GALNT17: variants seen among roughly 807,000 people sequenced by gnomAD.
The protein encoded by GALNT17 is polypeptide N-acetylgalactosaminyltransferase 17.
A neutral mutation model predicts 63.7 loss-of-function variants in GALNT17; 29 were observed. The observed-to-expected ratio is 0.46, with a 90% CI of 0.34 to 0.62. The LOEUF (loss-of-function observed/expected upper bound fraction) is 0.62, where lower values mean the gene tolerates loss of function less well. Ranked by LOEUF, GALNT17 falls within the 20% of genes least tolerant of loss-of-function variation. The pLI is 0.01. For missense variants in GALNT17, 603 were observed against 799.6 expected, an observed-to-expected ratio of 0.75 and a Z score of 2.97; for synonymous variants, 305 against 318.3, an observed-to-expected ratio of 0.96 and a Z score of 0.45.
intron 5 of GALNT17, among the ~76,000 whole-genome samples, chr7:71,432,484 C>T (rs1786885634): frequency 6.6e-6 from 1 of 152,194 alleles, no homozygotes; most frequent in Admixed American, 6.5e-5. Flanking sequence ...TGCAAAGACA[C>T]TCTTATCAGG....
chr7:71,278,721 T>G (rs904318835), intron 1 of GALNT17, among the ~76,000 whole-genome samples: 87 of 152,162 alleles, frequency 5.7e-4, no homozygotes, highest in African/African-American at 1.8e-3. Context: ...AAGCCCCTTA[T>G]AAAACCATAG....
chr7:71,466,692 GTCCTCATCTTGACTCAAGCATT>G (rs1319888951), intron 5 of GALNT17, among the ~76,000 whole-genome samples: 1 of 152,118 alleles, frequency 6.6e-6, no homozygotes, highest in Non-Finnish European at 1.5e-5. Context: ...GGCTTCCACA[GTCCTCATCTTGACTCAAGCATT>G]TCTTTATGCT....
chr7:71,312,400 A>G (rs1170660482), intron 1 of GALNT17, among the ~76,000 whole-genome samples: 2 of 152,172 alleles, frequency 1.3e-5, no homozygotes, highest in African/African-American at 2.4e-5. Context: ...CAAAACCTTA[A>G]TGTTAACTCC....
chr7:71,692,173 C>T (rs1467815166), intron 9 of GALNT17, among the ~76,000 whole-genome samples: 4 of 152,174 alleles, frequency 2.6e-5, no homozygotes, highest in Non-Finnish European at 2.9e-5. Context: ...ATCTTCCTGC[C>T]TCAGCTTCCC....
intron 3 of GALNT17, among the ~76,000 whole-genome samples, chr7:71,398,979 T>A (rs1162198603): frequency 6.6e-6 from 1 of 152,156 alleles, no homozygotes; most frequent in African/African-American, 2.4e-5. Flanking sequence ...ACGCCTGTAA[T>A]CCCAGCACTT....
rs1434920340 is a variant in GALNT17, at chr7:71,201,215, TTGTA to T, written c.238+68178_238+68181del. On this transcript the variant is annotated intron_variant, in intron 1 of 10. Coordinates refer to ENST00000333538, the MANE Select transcript of GALNT17 (RefSeq NM_022479.3). The stretch of plus-strand genomic sequence containing the variant: ...AGGAAACTGGTACCATATTTTTTCT[TTGTA>T]TGGGGGTGTGTGTGTTTATTTTTAT... Among the ~76,000 whole-genome samples the T allele has an allele frequency of 3.4e-4, 43 of 126,114 alleles. 1 individual carries two copies. The East Asian group carries it at 0.01, about 30-fold the overall frequency. 82.7% of individuals were successfully genotyped at this position (126,114 alleles called of 152,430 possible). A position where few individuals can be genotyped will look rare whatever the true frequency, so the allele number is the denominator to read the frequency against.
rs1164312541 is a variant in GALNT17, at chr7:71,184,939, ACTTCCTTCCTTCCTTCCTTCCTTC to A, written c.238+51936_238+51959del. Among the ~76,000 whole-genome samples, 449 of 64,176 alleles carry A rather than the reference ACTTCCTTCCTTCCTTCCTTCCTTC, an allele frequency of 7.0e-3. 8 individuals are homozygous for A. Among genetic ancestry groups the A allele is most frequent in the African/African-American group, 0.025 (392 of 15,426 alleles). The allele number at this position is 64,176 out of a possible 152,430, so 42.1% of individuals were successfully genotyped here. On this transcript the variant is annotated intron_variant, in intron 1 of 10. Coordinates refer to ENST00000333538, the MANE Select transcript of GALNT17 (RefSeq NM_022479.3). ...CCCACCCTCCCTCCCTCCCTTCCTC[ACTTCCTTCCTTCCTTCCTTCCTTC>A]CTTCCTTCCTTCCTTCCTTCCTTCC...
At chr7:71,506,765 A>G (rs181899421) in intron 5 of GALNT17, among the ~76,000 whole-genome samples, 114 of 152,250 alleles carry the variant, frequency 7.5e-4, no homozygotes, top group African/African-American at 2.5e-3. Flanking sequence ...CCTTCCAGCT[A>G]TTTGAGACTA....
chr7:71,412,152 G>A (rs949289427), intron 3 of GALNT17, among the ~76,000 whole-genome samples: 14 of 152,196 alleles, frequency 9.2e-5, no homozygotes, highest in Middle Eastern at 3.4e-3. Flanking sequence ...CAAAATAAAA[G>A]ACATTAGCTG....
chr7:71,459,278 TGACA>T (rs1424188323), intron 5 of GALNT17, among the ~76,000 whole-genome samples: 10 of 152,022 alleles, frequency 6.6e-5, no homozygotes, highest in South Asian at 2.1e-4. Context: ...AAAAAAAAAG[TGACA>T]GACAGAAACA....
At chr7:71,549,834 A>T (rs1448177853) in intron 5 of GALNT17, among the ~76,000 whole-genome samples, 1 of 151,898 alleles carries the variant, frequency 6.6e-6, no homozygotes, top group Non-Finnish European at 1.5e-5. Context: ...GGAGGATCCG[A>T]GGGAAAGGAG....
intron 6 of GALNT17, among the ~76,000 whole-genome samples, chr7:71,659,444 T>G (rs1391060329): frequency 6.6e-6 from 1 of 152,204 alleles, no homozygotes; most frequent in African/African-American, 2.4e-5. Flanking sequence ...GTGTACAGTC[T>G]CACATGGCCT....
At chr7:71,252,603 C>T (rs952523658) in intron 1 of GALNT17, among the ~76,000 whole-genome samples, 3 of 152,124 alleles carry the variant, frequency 2.0e-5, no homozygotes, top group Admixed American at 2.0e-4. Flanking sequence ...TGTGACTGTG[C>T]ACACATTTCA....
chr7:71,436,821 G>A lies in GALNT17; in HGVS notation c.962+15716G>A, dbSNP rs145250054. Among the ~76,000 whole-genome samples the A allele has an allele frequency of 1.7e-3, 261 of 152,256 alleles. 1 individual carries two copies. Among genetic ancestry groups the A allele is most frequent in the African/African-American group, 6.0e-3 (249 of 41,566 alleles). On this transcript the variant is annotated intron_variant, in intron 5 of 10. Coordinates refer to ENST00000333538, the MANE Select transcript of GALNT17 (RefSeq NM_022479.3). ...AATGAAAACAACTGCTAGAGAAACA[G>A]TGTGAGTTTGACTGTCTGTAAGATG...
chr7:71,201,233 G>A (rs745778666), intron 1 of GALNT17, among the ~76,000 whole-genome samples: 2 of 92,406 alleles, frequency 2.2e-5, no homozygotes, highest in Non-Finnish European at 4.1e-5. Context: ...GGGTGTGTGT[G>A]TTTATTTTTA....
At chr7:71,308,299 G>T (rs535826082) in intron 1 of GALNT17, among the ~76,000 whole-genome samples, 1 of 152,140 alleles carries the variant, frequency 6.6e-6, no homozygotes, top group South Asian at 2.1e-4. Flanking sequence ...ACCAAGGCAG[G>T]GTGTGATCTC....
chr7:71,662,595 T>C (rs150705676), intron 6 of GALNT17, among the ~76,000 whole-genome samples: 77 of 152,302 alleles, frequency 5.1e-4, no homozygotes, highest in Admixed American at 1.6e-3. Context: ...TCAATTTATT[T>C]ACCAGACATT....
chr7:71,670,045 A>G lies in GALNT17; in HGVS notation c.1340A>G (p.Gln447Arg). 1 of 1,614,202 alleles carries G rather than the reference A, an allele frequency of 6.2e-7. No homozygotes were observed. The highest frequency in any genetic ancestry group is 8.5e-7 in the Non-Finnish European group (1 of 1,180,024). Residue 447 changes from glutamine to arginine, a missense_variant, in exon 8 of 11, where the codon CAG becomes CGG. Gln to Arg is a conservative substitution (Grantham distance 43). Around this residue, in one of 3 missense-constraint regions of GALNT17, gnomAD observed 336 missense variants for 507.8 expected, o/e 0.66. Transcript: ENST00000333538. Reference sequence around the variant, plus strand: ...AAAAGTTTAAAGTGTAAGAATTTCCAGTGGTACCTGGACCATGTTTACCCA... The same window carrying G: ...AAAAGTTTAAAGTGTAAGAATTTCCGGTGGTACCTGGACCATGTTTACCCA... ...LRKSLKCKNF[Q>R]WYLDHVYPEM...
chr7:71,364,929 T>G (rs1583891941), intron 2 of GALNT17, among the ~76,000 whole-genome samples: 1 of 67,482 alleles, frequency 1.5e-5, no homozygotes, highest in Non-Finnish European at 2.8e-5. Context: ...TTTAATACTT[T>G]TTTTTATTAT....
Sources: allele counts gnomAD v4.1 joint callset (sites outside exome capture counted in the v4.1 genomes callset), GRCh38; gene constraint gnomAD v4.1.1; regional missense constraint gnomAD v4.1.1; transcripts MANE v1.5; gene names NCBI Gene and HGNC (gene_info 2026-07-23, HGNC 2026-07-21).